The following KIAA0825 variants were observed in gnomAD, a reference collection of about 807,000 sequenced individuals.
The protein encoded by KIAA0825 is KIAA0825.
KIAA0825 carries 119 observed loss-of-function variants against 147.6 expected under a neutral mutation model. The observed-to-expected ratio is 0.81, with a 90% CI of 0.69 to 0.94. The LOEUF is 0.94. KIAA0825 is among the 40% of genes least tolerant of loss of function. The pLI is 0.00. For missense variants in KIAA0825, 1,381 were observed against 1,472.7 expected, an observed-to-expected ratio of 0.94 and a Z score of 1.02; for synonymous variants, 470 against 518.1, an observed-to-expected ratio of 0.91 and a Z score of 1.26.
chr5:94,389,043 C>T (rs892935541), intron 18 of KIAA0825, among the ~76,000 whole-genome samples: 3 of 152,266 alleles, frequency 2.0e-5, no homozygotes, highest in Non-Finnish European at 4.4e-5. Context: ...GAGAATGACC[C>T]TGTATGGCAG....
Position 94,153,976 on chromosome 5 carries a change from C to T in KIAA0825, c.*31G>A, listed in dbSNP as rs1448605106. 3.4e-6 allele frequency: 5 copies of T among 1,451,496 alleles called. No individual in the cohort carries two copies. Among genetic ancestry groups the T allele is most frequent in the Non-Finnish European group, 2.8e-6 (3 of 1,055,996 alleles). 89.9% of individuals were successfully genotyped at this position (1,451,496 alleles called of 1,614,324 possible). A position where few individuals can be genotyped will look rare whatever the true frequency, so the allele number is the denominator to read the frequency against. ...CTACTCCATTACATGGGATTGTTTC[C>T]TAAAATAAAGCTGTTGCTGTTTTCT... On this transcript the variant is annotated 3_prime_UTR_variant, in exon 21 of 21. Coordinates refer to ENST00000682413, the MANE Select transcript of KIAA0825 (RefSeq NM_001145678.3).
chr5:94,152,904 G>T lies in KIAA0825; in HGVS notation c.*1103C>A, dbSNP rs1429374806. On this transcript the variant is annotated 3_prime_UTR_variant, in exon 21 of 21. Coordinates refer to ENST00000682413, the MANE Select transcript of KIAA0825 (RefSeq NM_001145678.3). ...TATATATATATATATATATATATAT[G>T]GTTTCTCCCAGACGTTCTTAGACTG... The T allele has an allele frequency of 5.2e-5, 2 of 38,174 alleles. No individual in the cohort carries two copies. Among genetic ancestry groups the T allele is most frequent in the African/African-American group, 1.0e-4 (1 of 9,844 alleles). 2.4% of individuals were successfully genotyped at this position (38,174 alleles called of 1,614,324 possible). A position where few individuals can be genotyped will look rare whatever the true frequency, so the allele number is the denominator to read the frequency against.
chr5:94,279,956 A>G (rs1777384015), intron 20 of KIAA0825, among the ~76,000 whole-genome samples: 1 of 152,090 alleles, frequency 6.6e-6, no homozygotes, highest in South Asian at 2.1e-4. Flanking sequence ...AATATGTTTC[A>G]GGCCGAAAGG....
chr5:94,326,357 G>C (rs1009495289), intron 20 of KIAA0825, among the ~76,000 whole-genome samples: 1 of 152,058 alleles, frequency 6.6e-6, no homozygotes, highest in African/African-American at 2.4e-5. Context: ...GGAGGTAGGG[G>C]GAGTTACGAA....
intron 20 of KIAA0825, among the ~76,000 whole-genome samples, chr5:94,318,655 C>T (rs1779877237): frequency 6.6e-6 from 1 of 151,802 alleles, no homozygotes; most frequent in African/African-American, 2.4e-5. Flanking sequence ...TTTCCTTTTA[C>T]AGGAAAGAAA....
intron 5 of KIAA0825, among the ~76,000 whole-genome samples, chr5:94,494,721 T>A (rs1764153984): frequency 6.6e-6 from 1 of 152,222 alleles, no homozygotes; most frequent in Non-Finnish European, 1.5e-5. Context: ...TCTTATCATA[T>A]GTGTTACTTT....
At chr5:94,188,210 T>C (rs1332625591) in intron 20 of KIAA0825, among the ~76,000 whole-genome samples, 2 of 152,202 alleles carry the variant, frequency 1.3e-5, no homozygotes, top group African/African-American at 2.4e-5. Flanking sequence ...AACCAGTCTA[T>C]GGTATTCTGT....
chr5:94,343,608 G>A (rs1782671871), intron 20 of KIAA0825, among the ~76,000 whole-genome samples: 1 of 152,180 alleles, frequency 6.6e-6, no homozygotes. Context: ...AGAATGGCGT[G>A]AACCCGGGAA....
At chr5:94,420,814 G>A (rs1376012895) in intron 14 of KIAA0825, among the ~76,000 whole-genome samples, 2 of 152,148 alleles carry the variant, frequency 1.3e-5, no homozygotes, top group Non-Finnish European at 2.9e-5. Context: ...AGGAAGAAAA[G>A]AAGGAAGGAA....
chr5:94,350,110 C>T (rs547283178), intron 20 of KIAA0825, among the ~76,000 whole-genome samples: 9 of 152,170 alleles, frequency 5.9e-5, no homozygotes, highest in African/African-American at 1.7e-4. Flanking sequence ...ACAACTGACA[C>T]CACTGAAATA....
intron 7 of KIAA0825, among the ~76,000 whole-genome samples, chr5:94,476,127 A>T (rs1451067943): frequency 6.6e-6 from 1 of 152,200 alleles, no homozygotes; most frequent in African/African-American, 2.4e-5. Flanking sequence ...TTTCCCGATT[A>T]TTAAAGGCGA....
intron 15 of KIAA0825, among the ~76,000 whole-genome samples, chr5:94,407,766 G>C (rs1466237361): frequency 6.6e-6 from 1 of 152,186 alleles, no homozygotes; most frequent in Non-Finnish European, 1.5e-5. Context: ...TGGTTGCACA[G>C]TTCTGTGAAT....
At chr5:94,551,010 A>G (rs1389977853) in intron 2 of KIAA0825, among the ~76,000 whole-genome samples, 1 of 152,028 alleles carries the variant, frequency 6.6e-6, no homozygotes, top group Non-Finnish European at 1.5e-5. Flanking sequence ...GATTTGAATG[A>G]AAAATTCAAC....
intron 20 of KIAA0825, among the ~76,000 whole-genome samples, chr5:94,163,863 T>G (rs541695253): frequency 6.6e-6 from 1 of 152,288 alleles, no homozygotes; most frequent in Non-Finnish European, 1.5e-5. Context: ...GAGCATAAAC[T>G]CTGGGAAACT....
At chr5:94,412,620 C>T (rs923165079) in intron 15 of KIAA0825, among the ~76,000 whole-genome samples, 12 of 151,958 alleles carry the variant, frequency 7.9e-5, no homozygotes, top group South Asian at 2.1e-4. Context: ...AGGATGGTCT[C>T]GATCTCCTGA....
At chr5:94,301,219 T>C (rs1248506756) in intron 20 of KIAA0825, among the ~76,000 whole-genome samples, 1 of 152,120 alleles carries the variant, frequency 6.6e-6, no homozygotes, top group African/African-American at 2.4e-5. Flanking sequence ...GTAAATTCTA[T>C]GTGGACATAA....
At chr5:94,395,199 G>A (rs1432788877) in intron 17 of KIAA0825, among the ~76,000 whole-genome samples, 1 of 152,220 alleles carries the variant, frequency 6.6e-6, no homozygotes, top group African/African-American at 2.4e-5. Flanking sequence ...CAAGGGATTT[G>A]TACTCGCCCA....
chr5:94,588,347 A>G lies in KIAA0825; in HGVS notation c.-152-5764T>C, dbSNP rs543757482. ...CAAAGAACTTAAACAAATTTACAAG[A>G]AAAAAAGTCCCCATCAAAAAGTGGG... is the stretch of plus-strand genomic sequence containing the variant. On this transcript the variant is annotated intron_variant, in intron 1 of 20. Transcript: ENST00000682413. Among the ~76,000 whole-genome samples, 13 of 152,332 alleles carry G rather than the reference A, an allele frequency of 8.5e-5. No individual in the cohort carries two copies. In the East Asian group the frequency reaches 1.9e-3, roughly 23 times the overall value.
chr5:94,511,184 CT>C (rs1410868206), intron 5 of KIAA0825, among the ~76,000 whole-genome samples: 2 of 152,160 alleles, frequency 1.3e-5, no homozygotes, highest in Non-Finnish European at 2.9e-5. Flanking sequence ...CTACCGGTGC[CT>C]TGATCTTGAA....
Sources: gnomAD v4.1 joint callset for allele counts (sites outside exome capture counted in the v4.1 genomes callset) on GRCh38, gnomAD v4.1.1 for gene constraint, MANE v1.5 for transcripts, NCBI Gene and HGNC (gene_info 2026-07-23, HGNC 2026-07-21) for gene names.